TMEM132B: variants seen among roughly 807,000 people sequenced by gnomAD.
TMEM132B encodes transmembrane protein 132B.
In TMEM132B, 18 loss-of-function variants were observed where a neutral mutation model predicts 90.8. The observed-to-expected ratio is 0.20, with a 90% CI of 0.14 to 0.29. TMEM132B has a LOEUF of 0.29. Ranked by LOEUF, TMEM132B falls within the 10% of genes least tolerant of loss-of-function variation. TMEM132B has a pLI of 1.00. For synonymous variants in TMEM132B, 504 were observed against 523.3 expected (o/e 0.96, Z 0.50); for missense variants, 1,096 against 1,326.8 (o/e 0.83, Z 2.70).
chr12:125,534,289 G>A lies in TMEM132B; in HGVS notation c.1293+14664G>A, dbSNP rs573957895. Among the ~76,000 whole-genome samples the A allele has an allele frequency of 3.6e-4, 55 of 152,328 alleles. No individual in the cohort carries two copies. The Middle Eastern group carries it at 0.014, about 38-fold the overall frequency. The stretch of plus-strand genomic sequence containing the variant: ...CCTAACACTTTGGGAGGCTGAGGCA[G>A]GAGGACTGCTTGAGCGCAGGAATTT... On this transcript the variant is annotated intron_variant, in intron 4 of 8. Coordinates refer to ENST00000682704, the MANE Select transcript of TMEM132B (RefSeq NM_001366854.1).
intron 2 of TMEM132B, among the ~76,000 whole-genome samples, chr12:125,383,878 T>C (rs982654689): frequency 5.9e-5 from 9 of 152,242 alleles, no homozygotes; most frequent in African/African-American, 2.2e-4. Flanking sequence ...TTGAAGAAAT[T>C]AACAACTGCA....
chr12:125,529,909 G>A (rs1883598734), intron 4 of TMEM132B, among the ~76,000 whole-genome samples: 1 of 152,142 alleles, frequency 6.6e-6, no homozygotes. Context: ...TAGCCAGAAC[G>A]TTATCTTTCT....
chr12:125,290,236 T>G (rs1875499934), intron 1 of TMEM132B, among the ~76,000 whole-genome samples: 1 of 152,190 alleles, frequency 6.6e-6, no homozygotes, highest in Non-Finnish European at 1.5e-5. Context: ...AGCAGGCAAT[T>G]CTAGAGCTTC....
intron 2 of TMEM132B, among the ~76,000 whole-genome samples, chr12:125,392,610 G>T (rs549717150): frequency 6.6e-6 from 1 of 152,282 alleles, no homozygotes; most frequent in South Asian, 2.1e-4. Flanking sequence ...CTCAGTAGGG[G>T]GAGGTTTGGG....
At chr12:125,583,577 AAGGGAGAGGAGGTC>A (rs1181772069) in intron 4 of TMEM132B, among the ~76,000 whole-genome samples, 4 of 152,082 alleles carry the variant, frequency 2.6e-5, no homozygotes, top group Admixed American at 2.6e-4. Context: ...GGGATGGAGT[AAGGGAGAGGAGGTC>A]AGGGAGAGGG....
In TMEM132B at chr12:125,639,222, A is replaced by G. The variant is rs188616068; in HGVS notation, c.1438-4854A>G. On this transcript the variant is annotated intron_variant, in intron 5 of 8. Transcript: ENST00000682704. Reference sequence around the variant, plus strand: ...CATAGAGATCTTAATTCTGAGTTAAAAGGCCAATTGACCACTGGGAATCCA... The same window carrying G: ...CATAGAGATCTTAATTCTGAGTTAAGAGGCCAATTGACCACTGGGAATCCA... 2.0e-5 allele frequency among the ~76,000 whole-genome samples: 3 copies of G among 152,362 alleles called. No individual in the cohort carries two copies. The East Asian group carries it at 5.8e-4, about 29-fold the overall frequency.
At chr12:125,430,128 C>A (rs1351697194) in intron 3 of TMEM132B, among the ~76,000 whole-genome samples, 1 of 152,182 alleles carries the variant, frequency 6.6e-6, no homozygotes, top group Non-Finnish European at 1.5e-5. Context: ...CCTGACCGTG[C>A]CTGACACATA....
At chr12:125,248,068 T>C (rs1006420671) in intron 1 of TMEM132B, among the ~76,000 whole-genome samples, 4 of 152,192 alleles carry the variant, frequency 2.6e-5, no homozygotes, top group African/African-American at 4.8e-5. Flanking sequence ...ACAGCCACCA[T>C]GATTTTTATT....
At chr12:125,549,301 G>A (rs1884162981) in intron 4 of TMEM132B, among the ~76,000 whole-genome samples, 1 of 152,142 alleles carries the variant, frequency 6.6e-6, no homozygotes, top group East Asian at 1.9e-4. Flanking sequence ...CCGCCTCCTC[G>A]GCTCTGTTGA....
chr12:125,388,022 A>G (rs1411851886), intron 2 of TMEM132B, among the ~76,000 whole-genome samples: 1 of 152,178 alleles, frequency 6.6e-6, no homozygotes, highest in Non-Finnish European at 1.5e-5. Context: ...AAAGGCTGGT[A>G]GTGTGGCACA....
chr12:125,582,521 G>A (rs1336756229), intron 4 of TMEM132B, among the ~76,000 whole-genome samples: 1 of 152,100 alleles, frequency 6.6e-6, no homozygotes, highest in Non-Finnish European at 1.5e-5. Flanking sequence ...GCCAATTATG[G>A]AATGTTTGGT....
chr12:125,583,784 A>G, intron 4 of TMEM132B, 67 bp from the exon 5 acceptor site: 1 of 1,569,472 alleles, frequency 6.4e-7, no homozygotes, highest in South Asian at 1.2e-5. Flanking sequence ...CTTGGTGGAC[A>G]CCCCTCTCCT....
rs1458075923 is a variant in TMEM132B, at chr12:125,432,528, T to TATATATATAG, written c.1106+16852_1106+16853insTATATATAGA. Among the ~76,000 whole-genome samples the TATATATATAG allele has an allele frequency of 9.2e-4, 36 of 39,124 alleles. 4 individuals are homozygous for TATATATATAG. The highest frequency in any genetic ancestry group is 2.8e-3 in the South Asian group (3 of 1,078). 25.7% of individuals were successfully genotyped at this position (39,124 alleles called of 152,430 possible). On this transcript the variant is annotated intron_variant, in intron 3 of 8. Transcript: ENST00000682704. ...GTGTGTGTGTATATATATATATATA[T>TATATATATAG]AGAGAGAGAGAGAGAGAGAGAGAGA...
chr12:125,297,885 T>C (rs1434044307), intron 1 of TMEM132B, among the ~76,000 whole-genome samples: 1 of 152,120 alleles, frequency 6.6e-6, no homozygotes, highest in Non-Finnish European at 1.5e-5. Flanking sequence ...CTCCTCTCTC[T>C]TTCTCCCACA....
At chr12:125,630,614 CA>C (rs1343256118) in intron 5 of TMEM132B, among the ~76,000 whole-genome samples, 2 of 151,860 alleles carry the variant, frequency 1.3e-5, no homozygotes, top group Non-Finnish European at 2.9e-5. Context: ...ATTTTAGGTT[CA>C]GGGGTATATG....
chr12:125,556,030 A>G (rs1884377434), intron 4 of TMEM132B, among the ~76,000 whole-genome samples: 1 of 152,186 alleles, frequency 6.6e-6, no homozygotes, highest in Non-Finnish European at 1.5e-5. Flanking sequence ...GAGGTCTAAC[A>G]CATATTCTAG....
In TMEM132B at chr12:125,505,183, A is replaced by AC. The variant is rs1466147253; in HGVS notation, c.1107-14256_1107-14255insC. On this transcript the variant is annotated intron_variant, in intron 3 of 8. Transcript: ENST00000682704. ...CCAGAGGACAAAAAAAAAAAAAAAA[A>AC]AAAAAAAAAAAACAGTAAGTGGGGA... 4.2e-4 allele frequency among the ~76,000 whole-genome samples: 61 copies of AC among 143,612 alleles called. 3 individuals carry two copies. The highest frequency in any genetic ancestry group is 2.0e-4 in the East Asian group (1 of 5,092). 94.2% of individuals were successfully genotyped at this position (143,612 alleles called of 152,430 possible). A position where few individuals can be genotyped will look rare whatever the true frequency, so the allele number is the denominator to read the frequency against.
At chr12:125,419,931 A>C (rs1455234336) in intron 3 of TMEM132B, among the ~76,000 whole-genome samples, 4 of 152,210 alleles carry the variant, frequency 2.6e-5, no homozygotes, top group African/African-American at 9.6e-5. Flanking sequence ...TGGGGCACTC[A>C]AAGCTCTAAA....
chr12:125,424,172 G>T (rs568242744), intron 3 of TMEM132B, among the ~76,000 whole-genome samples: 1 of 151,890 alleles, frequency 6.6e-6, no homozygotes, highest in East Asian at 1.9e-4. Flanking sequence ...CCTGTTAAAC[G>T]TTCCTTTAAA....
Sources: gnomAD v4.1 joint callset for allele counts (sites outside exome capture counted in the v4.1 genomes callset) on GRCh38, gnomAD v4.1.1 for gene constraint, MANE v1.5 for transcripts, NCBI Gene and HGNC (gene_info 2026-07-23, HGNC 2026-07-21) for gene names.